Variants in CDK14 observed in about 807,000 individuals in gnomAD.
The protein encoded by CDK14 is cyclin dependent kinase 14.
In CDK14, 34 loss-of-function variants were observed where a neutral mutation model predicts 60.7. That is an observed-to-expected ratio of 0.56 (90% CI 0.43 to 0.75). The LOEUF (loss-of-function observed/expected upper bound fraction) is 0.75, where lower values mean the gene tolerates loss of function less well. Ranked by LOEUF, CDK14 falls within the 30% of genes least tolerant of loss-of-function variation. The probability of loss-of-function intolerance (pLI) is 0.00; values close to 1 mark genes in which losing one functional copy is unlikely to be tolerated. For synonymous variants in CDK14, 197 were observed against 203.7 expected (o/e 0.97, Z 0.28); for missense variants, 482 against 564.1 (o/e 0.85, Z 1.47).
chr7:90,671,388 A>G (rs1222538341), intron 2 of CDK14, among the ~76,000 whole-genome samples: 1 of 152,098 alleles, frequency 6.6e-6, no homozygotes, highest in East Asian at 1.9e-4. Flanking sequence ...AGCTTGAATA[A>G]GGTTATCAGA....
intron 10 of CDK14, among the ~76,000 whole-genome samples, chr7:91,027,937 C>CCTCCG (rs1796643422): frequency 1.2e-5 from 1 of 80,910 alleles, no homozygotes; most frequent in Non-Finnish European, 2.4e-5. Flanking sequence ...CCTCCGCTCC[C>CCTCCG]CTCCGCTCCA....
chr7:91,098,031 A>G (rs1217786212), intron 12 of CDK14, among the ~76,000 whole-genome samples: 2 of 152,176 alleles, frequency 1.3e-5, no homozygotes, highest in African/African-American at 4.8e-5. Context: ...AAGCATTGAG[A>G]GGGATTCTGA....
chr7:91,063,384 A>G (rs1194954389), intron 11 of CDK14, among the ~76,000 whole-genome samples: 1 of 152,240 alleles, frequency 6.6e-6, no homozygotes, highest in Non-Finnish European at 1.5e-5. Flanking sequence ...TAAACTGACT[A>G]CTAATTATTC....
chr7:90,661,684 G>T (rs773449650), intron 2 of CDK14, among the ~76,000 whole-genome samples: 7 of 152,140 alleles, frequency 4.6e-5, no homozygotes, highest in Non-Finnish European at 8.8e-5. Context: ...ATCCTTGTGT[G>T]CTGGGACCTC....
chr7:90,749,801 C>A (rs1370490291), intron 4 of CDK14, among the ~76,000 whole-genome samples: 1 of 152,172 alleles, frequency 6.6e-6, no homozygotes, highest in Non-Finnish European at 1.5e-5. Flanking sequence ...CTACTGGATT[C>A]TCCATCAGTG....
chr7:90,878,096 G>C (rs956771220), intron 6 of CDK14, among the ~76,000 whole-genome samples: 3 of 150,564 alleles, frequency 2.0e-5, no homozygotes, highest in African/African-American at 7.4e-5. Context: ...GTGTGTGTGA[G>C]AGAGAGAGAG....
chr7:90,897,379 A>T (rs1792369824), intron 6 of CDK14, among the ~76,000 whole-genome samples: 1 of 152,106 alleles, frequency 6.6e-6, no homozygotes, highest in Non-Finnish European at 1.5e-5. Flanking sequence ...GTTTCAACAC[A>T]TCATGGACAT....
intron 10 of CDK14, among the ~76,000 whole-genome samples, chr7:91,008,127 CAA>C (rs56082719): frequency 3.2e-5 from 2 of 62,590 alleles, no homozygotes; most frequent in Admixed American, 2.0e-4. Context: ...GGGAGAAGGC[CAA>C]AAAAAAAAAA....
At chr7:90,655,763 A>G (rs1800739287) in intron 2 of CDK14, among the ~76,000 whole-genome samples, 1 of 152,190 alleles carries the variant, frequency 6.6e-6, no homozygotes, top group Non-Finnish European at 1.5e-5. Context: ...CATTCTTTCA[A>G]GACTTCCTGT....
intron 10 of CDK14, among the ~76,000 whole-genome samples, chr7:91,007,941 T>C (rs934239201): frequency 3.9e-5 from 6 of 152,062 alleles, no homozygotes; most frequent in Non-Finnish European, 5.9e-5. Flanking sequence ...TTTCATTAGA[T>C]ACTCCATGTA....
intron 9 of CDK14, among the ~76,000 whole-genome samples, chr7:90,966,298 G>A (rs1006357463): frequency 1.3e-5 from 2 of 152,038 alleles, no homozygotes; most frequent in Non-Finnish European, 2.9e-5. Flanking sequence ...CAAACACGGG[G>A]ATGGGGACAT....
rs139117965 is a variant in CDK14 at position 90,613,981 on chromosome 7, A to G, written c.123+9732A>G. Among the ~76,000 whole-genome samples the G allele has an allele frequency of 6.8e-3, 1,010 of 149,106 alleles. 16 individuals are homozygous for G. Among genetic ancestry groups the G allele is most frequent in the African/African-American group, 0.024 (969 of 40,480 alleles). On this transcript the variant is annotated intron_variant, in intron 2 of 14. Transcript: ENST00000380050. Reference sequence around the variant, plus strand: ...CATAGATTCCAGTCCTGAGTGTTTGAGACTATTTTTTATAGTCCCAAACAC... The same window carrying G: ...CATAGATTCCAGTCCTGAGTGTTTGGGACTATTTTTTATAGTCCCAAACAC...
intron 6 of CDK14, among the ~76,000 whole-genome samples, chr7:90,885,368 C>T (rs531472743): frequency 1.3e-5 from 2 of 152,180 alleles, no homozygotes; most frequent in South Asian, 2.1e-4. Context: ...CAAATCAAAA[C>T]CACAACGAGA....
intron 12 of CDK14, among the ~76,000 whole-genome samples, chr7:91,088,330 C>T (rs993036551): frequency 3.3e-5 from 5 of 152,010 alleles, no homozygotes; most frequent in Admixed American, 3.3e-4. Context: ...AGGCACAGAT[C>T]CCATGTTAAA....
chr7:90,842,831 C>T lies in CDK14; in HGVS notation c.545-20344C>T, dbSNP rs564374716. ...ACCCTAATTTGTAAAATTTATTAAT[C>T]CTTCTGTTAGTGTCTGAGTTGAATG... On this transcript the variant is annotated intron_variant, in intron 5 of 14. Transcript: ENST00000380050. Among the ~76,000 whole-genome samples, 7 of 152,210 alleles carry T rather than the reference C, an allele frequency of 4.6e-5. No homozygotes were observed. The South Asian group carries it at 1.2e-3, about 27-fold the overall frequency.
chr7:91,046,203 G>A (rs1411733966), intron 11 of CDK14, among the ~76,000 whole-genome samples: 1 of 152,106 alleles, frequency 6.6e-6, no homozygotes, highest in Non-Finnish European at 1.5e-5. Flanking sequence ...GGTTGATCTT[G>A]CAGTAACCAT....
In CDK14 at chr7:91,130,771, A is replaced by G. The variant is rs190099386; in HGVS notation, c.*28+12563A>G. ...AAATCTTGAAAGACTTTTACTGTAT[A>G]TTAATCTTAGGGGCTGTGACTTTCC... On this transcript the variant is annotated intron_variant, in intron 14 of 14. Transcript: ENST00000380050. Among the ~76,000 whole-genome samples the G allele has an allele frequency of 4.6e-5, 7 of 152,244 alleles. No homozygotes were observed. The East Asian group carries it at 1.2e-3, about 25-fold the overall frequency.
intron 4 of CDK14, among the ~76,000 whole-genome samples, chr7:90,781,034 T>C (rs1435729680): frequency 6.6e-6 from 1 of 151,938 alleles, no homozygotes; most frequent in African/African-American, 2.4e-5. Flanking sequence ...GTAAAAGTGT[T>C]CCTATTTCCC....
chr7:90,721,786 A>G (rs1802465985), intron 2 of CDK14, among the ~76,000 whole-genome samples: 1 of 152,020 alleles, frequency 6.6e-6, no homozygotes, highest in African/African-American at 2.4e-5. Flanking sequence ...ATTTTTTCCA[A>G]TTTGACATTC....
Sources: allele counts gnomAD v4.1 joint callset (sites outside exome capture counted in the v4.1 genomes callset), GRCh38; gene constraint gnomAD v4.1.1; transcripts MANE v1.5; gene names NCBI Gene and HGNC (gene_info 2026-07-23, HGNC 2026-07-21).